DAB1: variants seen among roughly 807,000 people sequenced by gnomAD.
The protein encoded by DAB1 is DAB adaptor protein 1, also known as disabled homolog 1.
A neutral mutation model predicts 64.6 loss-of-function variants in DAB1; 15 were observed. That is an observed-to-expected ratio of 0.23 (90% CI 0.16 to 0.36). The LOEUF (loss-of-function observed/expected upper bound fraction) is 0.36, where lower values mean the gene tolerates loss of function less well. DAB1 is among the 10% of genes least tolerant of loss of function. DAB1 has a pLI of 1.00. For missense variants in DAB1, 596 were observed against 706.7 expected, an observed-to-expected ratio of 0.84 and a Z score of 1.78; for synonymous variants, 235 against 251.9, an observed-to-expected ratio of 0.93 and a Z score of 0.64.
chr1:57,798,396 CAA>C (rs150668120), intron 6 of DAB1, among the ~76,000 whole-genome samples: 1,784 of 152,280 alleles, frequency 0.012, 26 homozygotes, highest in African/African-American at 0.042. Context: ...GTCAGGGAGC[CAA>C]AGACAGGCAG....
At chr1:58,355,328 A>G (rs542039705) in intron 3 of DAB1, among the ~76,000 whole-genome samples, 1 of 152,314 alleles carries the variant, frequency 6.6e-6, no homozygotes, top group East Asian at 1.9e-4. Flanking sequence ...GAAAGGCTAT[A>G]TTGTTCAATC....
intron 6 of DAB1, among the ~76,000 whole-genome samples, chr1:57,690,776 C>A (rs142671614): frequency 1.6e-4 from 24 of 152,254 alleles, no homozygotes; most frequent in African/African-American, 5.5e-4. Flanking sequence ...TGTGTGACAG[C>A]TTCCTTTTCA....
intron 5 of DAB1, among the ~76,000 whole-genome samples, chr1:58,145,456 G>A (rs1654539819): frequency 6.6e-6 from 1 of 151,942 alleles, no homozygotes; most frequent in East Asian, 1.9e-4. Context: ...TAAATATAAT[G>A]ATGAAAGTAA....
chr1:57,151,139 T>C (rs1004989610), intron 2 of DAB1, among the ~76,000 whole-genome samples: 13 of 152,154 alleles, frequency 8.5e-5, no homozygotes, highest in African/African-American at 3.1e-4. Context: ...ATGAAGCATC[T>C]TGGAAGCCAA....
At chr1:58,443,215 T>C (rs1470350275) in intron 3 of DAB1, among the ~76,000 whole-genome samples, 1 of 152,218 alleles carries the variant, frequency 6.6e-6, no homozygotes, top group Non-Finnish European at 1.5e-5. Context: ...CCTCATACCA[T>C]GGGTCCAGCA....
intron 4 of DAB1, among the ~76,000 whole-genome samples, chr1:57,113,906 G>T (rs1227364131): frequency 6.6e-6 from 1 of 152,142 alleles, no homozygotes; most frequent in African/African-American, 2.4e-5. Context: ...TACTCCTGAG[G>T]ACTATTTGAG....
At chr1:57,849,331 C>T (rs578096659) in intron 1 of DAB1, among the ~76,000 whole-genome samples, 1 of 152,268 alleles carries the variant, frequency 6.6e-6, no homozygotes, top group Admixed American at 6.5e-5. Context: ...TCTTATTCTC[C>T]ATCTGGATCT....
chr1:57,919,835 G>A (rs1644783222), intron 5 of DAB1, among the ~76,000 whole-genome samples: 1 of 152,170 alleles, frequency 6.6e-6, no homozygotes, highest in Non-Finnish European at 1.5e-5. Flanking sequence ...AACATTATGT[G>A]CATGGATTTT....
chr1:57,201,923 A>T, intron 2 of DAB1, among the ~76,000 whole-genome samples: 1 of 152,184 alleles, frequency 6.6e-6, no homozygotes, highest in East Asian at 1.9e-4. Context: ...AAATTTCTAT[A>T]GCATCTTACA....
Position 57,177,499 on chromosome 1 carries a change from ACATCCAGG to A in DAB1, c.68-32078_68-32071del. Among the ~76,000 whole-genome samples the A allele has an allele frequency of 1.3e-5, 2 of 152,298 alleles. 1 individual carries two copies. Among genetic ancestry groups the A allele is most frequent in the South Asian group, 4.1e-4 (2 of 4,826 alleles). Reference sequence around the variant, plus strand: ...ATGTCCACATAGAATTAGGTAGTAGACATCCAGGCACTGAAGCCATAATAAAAGCTCCC... The same window carrying A: ...ATGTCCACATAGAATTAGGTAGTAGACACTGAAGCCATAATAAAAGCTCCC... On this transcript the variant is annotated intron_variant, in intron 2 of 14. Transcript: ENST00000371236.
chr1:58,451,228 G>A (rs930967515), intron 3 of DAB1, among the ~76,000 whole-genome samples: 11 of 152,066 alleles, frequency 7.2e-5, no homozygotes, highest in Admixed American at 3.3e-4. Context: ...TAGAGGGGAC[G>A]GTAGGCACAT....
intron 1 of DAB1, among the ~76,000 whole-genome samples, chr1:58,539,965 A>G (rs1295413359): frequency 2.0e-5 from 3 of 152,130 alleles, no homozygotes; most frequent in Non-Finnish European, 4.4e-5. Context: ...TTCTGCAGAG[A>G]ATCCCCCTCC....
rs1450151692 is a variant in DAB1 at position 58,160,593 on chromosome 1, C to T, written n.310-10005G>A. 2.0e-5 allele frequency among the ~76,000 whole-genome samples: 3 copies of T among 152,274 alleles called. No homozygotes were observed. The South Asian group carries it at 6.2e-4, about 32-fold the overall frequency. On this transcript the variant is annotated intron_variant and non_coding_transcript_variant, in intron 4 of 20. Coordinates refer to the DAB1 transcript ENST00000485760. The stretch of plus-strand genomic sequence containing the variant: ...CTCACCAGAACAAGTTTCCCTCCAA[C>T]GATCTCAAACTACATCACTGAAAAT...
chr1:57,599,358 AG>A (rs1395876390), intron 7 of DAB1, among the ~76,000 whole-genome samples: 3 of 152,078 alleles, frequency 2.0e-5, no homozygotes, highest in African/African-American at 7.2e-5. Context: ...AGCACAAAGC[AG>A]GGCTACACAC....
At position 56,997,294 on chromosome 1, in the gene DAB1, C is replaced by G. The variant is rs1434058406; in HGVS notation, c.*850G>C. 2.6e-5 allele frequency: 4 copies of G among 152,274 alleles called. No homozygotes were observed. Among genetic ancestry groups the G allele is most frequent in the East Asian group, 1.9e-4 (1 of 5,178 alleles). The allele number at this position is 152,274 out of a possible 1,614,324, so 9.4% of individuals were successfully genotyped here. A position where few individuals can be genotyped will look rare whatever the true frequency, so the allele number is the denominator to read the frequency against. On this transcript the variant is annotated 3_prime_UTR_variant, in exon 15 of 15. Coordinates refer to ENST00000371236, the MANE Select transcript of DAB1 (RefSeq NM_001365792.1). ...GAAATCAGATGCATTTTTCATCTTT[C>G]TCATCAATGGGATCTGATGTCTTTT... is the stretch of plus-strand genomic sequence containing the variant.
chr1:58,352,710 T>C (rs1644070325), intron 3 of DAB1, among the ~76,000 whole-genome samples: 1 of 152,156 alleles, frequency 6.6e-6, no homozygotes, highest in East Asian at 1.9e-4. Flanking sequence ...ACTCCCAAAA[T>C]TCATATGTTG....
At chr1:57,446,850 A>G (rs1009947179) in intron 7 of DAB1, among the ~76,000 whole-genome samples, 1 of 152,134 alleles carries the variant, frequency 6.6e-6, no homozygotes, top group East Asian at 1.9e-4. Flanking sequence ...ATGCACATTG[A>G]TTCTTAATTA....
At chr1:57,466,686 G>A (rs959009268) in intron 7 of DAB1, among the ~76,000 whole-genome samples, 1 of 152,164 alleles carries the variant, frequency 6.6e-6, no homozygotes, top group African/African-American at 2.4e-5. Context: ...GCTCTTAACT[G>A]GAGGCCCTGG....
intron 2 of DAB1, among the ~76,000 whole-genome samples, chr1:57,226,590 T>G (rs1667268429): frequency 6.7e-6 from 1 of 150,078 alleles, no homozygotes; most frequent in Admixed American, 6.7e-5. Flanking sequence ...CCCTTCCCAA[T>G]AAGTGATCTT....
Sources: allele counts gnomAD v4.1 joint callset (sites outside exome capture counted in the v4.1 genomes callset), GRCh38; gene constraint gnomAD v4.1.1; transcripts MANE v1.5; gene names NCBI Gene and HGNC (gene_info 2026-07-23, HGNC 2026-07-21).